Variants in HDAC4 observed in about 807,000 individuals in gnomAD.
HDAC4 encodes the protein histone deacetylase A.
In HDAC4, 16 loss-of-function variants were observed where a neutral mutation model predicts 135.1. The ratio of observed to expected loss-of-function variants is 0.12; its 90% CI spans 0.08 to 0.18. The LOEUF is 0.18. HDAC4 is among the 10% of genes least tolerant of loss of function. HDAC4 has a pLI of 1.00. For synonymous variants in HDAC4, 685 were observed against 653.4 expected (o/e 1.05, Z -0.74); for missense variants, 1,143 against 1,511.8 (o/e 0.76, Z 4.05).
intron 19 of HDAC4, 137 bp from the exon 20 acceptor site, chr2:239,084,379 A>C: frequency 1.4e-6 from 1 of 692,662 alleles, no homozygotes; most frequent in Non-Finnish European, 2.6e-6. Flanking sequence ...AATACGTCGC[A>C]GGGAACCCTC....
Position 239,068,661 on chromosome 2 carries a change from G to A in HDAC4, c.2751-54C>T, listed in dbSNP as rs1401148669. On this transcript the variant is annotated intron_variant, in intron 22 of 26. Coordinates refer to ENST00000543185, the MANE Select transcript of HDAC4 (RefSeq NM_001378414.1). The surrounding 1 kb of genome is among the most constrained non-coding windows in gnomAD (Gnocchi z 4.4). ...GGTCAGCTGAAAGAGGGACGGGACG[G>A]TCACAAAACCCCAAGGTTCCCTCTG... The A allele has an allele frequency of 1.4e-6, 2 of 1,463,762 alleles. No homozygotes were observed. Among genetic ancestry groups the A allele is most frequent in the Admixed American group, 1.7e-5 (1 of 59,804 alleles). The allele number at this position is 1,463,762 out of a possible 1,614,324, so 90.7% of individuals were successfully genotyped here.
intron 2 of HDAC4, among the ~76,000 whole-genome samples, chr2:239,329,114 A>T (rs1361613040): frequency 6.6e-6 from 1 of 152,156 alleles, no homozygotes; most frequent in East Asian, 1.9e-4. Context: ...GGCAGGCGGC[A>T]TGGAAGGTCC....
At chr2:239,327,021 T>A (rs1284680512) in intron 2 of HDAC4, among the ~76,000 whole-genome samples, 1 of 152,198 alleles carries the variant, frequency 6.6e-6, no homozygotes, top group Admixed American at 6.5e-5. Context: ...ACCACATCAC[T>A]CACTGGCGGT....
In HDAC4 at chr2:239,250,931, C is replaced by T. The variant is rs79095605; in HGVS notation, c.23-14267G>A. On this transcript the variant is annotated intron_variant, in intron 2 of 26. Coordinates refer to ENST00000543185, the MANE Select transcript of HDAC4 (RefSeq NM_001378414.1). ...TCTGCAGACCCGGGGAACCTGCCCA[C>T]GTGTGTTCACGTGCCCCCGCCACAC... is the stretch of plus-strand genomic sequence containing the variant. 5.0e-3 allele frequency among the ~76,000 whole-genome samples: 760 copies of T among 152,304 alleles called. 17 individuals are homozygous for T. In the East Asian group the frequency reaches 0.074, roughly 15 times the overall value.
chr2:239,315,461 C>T (rs754092625), intron 2 of HDAC4, among the ~76,000 whole-genome samples: 5 of 152,136 alleles, frequency 3.3e-5, no homozygotes, highest in African/African-American at 9.7e-5. Context: ...GATGCACGAG[C>T]GCTAGAGAAA....
intron 3 of HDAC4, among the ~76,000 whole-genome samples, chr2:239,227,898 C>T (rs1398731023): frequency 6.6e-6 from 1 of 152,228 alleles, no homozygotes. Flanking sequence ...TGCTAGGTCT[C>T]CCAGCTGCTT....
At chr2:239,295,055 C>G (rs2051781650) in intron 2 of HDAC4, among the ~76,000 whole-genome samples, 1 of 152,012 alleles carries the variant, frequency 6.6e-6, no homozygotes, top group Non-Finnish European at 1.5e-5. Context: ...CGCCTGTAAT[C>G]CCAGCACTTT....
intron 6 of HDAC4, among the ~76,000 whole-genome samples, chr2:239,159,284 C>A (rs2042629216): frequency 6.6e-6 from 1 of 150,498 alleles, no homozygotes; most frequent in African/African-American, 2.4e-5. Context: ...ACGCCCACAC[C>A]TCACCTCACT....
At chr2:239,064,591 C>T (rs760308985) in intron 24 of HDAC4, among the ~76,000 whole-genome samples, 2 of 152,214 alleles carry the variant, frequency 1.3e-5, no homozygotes, top group African/African-American at 4.8e-5. Context: ...CTCTCAAGAG[C>T]AGACCCAGGT....
intron 24 of HDAC4, among the ~76,000 whole-genome samples, chr2:239,061,146 GTGGTGT>G (rs1381587420): frequency 1.3e-5 from 2 of 152,024 alleles, no homozygotes; most frequent in Non-Finnish European, 2.9e-5. Flanking sequence ...GTGTGAGTGT[GTGGTGT>G]GTGTAAGCAT....
Position 239,139,728 on chromosome 2 carries a change from C to T in HDAC4, c.934G>A (p.Ala312Thr), listed in dbSNP as rs199946856. ...ACGGCGGGCGCGATACCGTTCTCCG[C>T]GCTGACGCTCCCGGAGCTGTTGTTG... ...SPNNSSGSVS[A>T]ENGIAPAVPS... The change falls in exon 9 of 27, where the codon GCG (alanine) becomes ACG (threonine). Residue 312 changes from alanine (A) to threonine (T), a missense_variant. Physicochemically the swap from Ala to Thr is moderately conservative, Grantham distance 58. Around this residue, in one of 9 missense-constraint regions of HDAC4, gnomAD observed 272 missense variants for 309.7 expected, o/e 0.88. Transcript: ENST00000543185. The surrounding 1 kb of genome is among the most constrained non-coding windows in gnomAD (Gnocchi z 5.3). 587 of 1,614,134 alleles carry T rather than the reference C, an allele frequency of 3.6e-4. 16 individuals are homozygous for T. The South Asian group carries it at 5.8e-3, about 16-fold the overall frequency.
chr2:239,182,186 C>A (rs1383770315), intron 4 of HDAC4, among the ~76,000 whole-genome samples: 1 of 152,208 alleles, frequency 6.6e-6, no homozygotes, highest in Non-Finnish European at 1.5e-5. Context: ...TATAAACATA[C>A]AACCCACAGG....
intron 2 of HDAC4, among the ~76,000 whole-genome samples, chr2:239,286,861 C>T (rs569365522): frequency 2.0e-5 from 3 of 152,184 alleles, no homozygotes; most frequent in Non-Finnish European, 2.9e-5. Flanking sequence ...GTCACTCAGG[C>T]ATGTTGGTGA....
intron 3 of HDAC4, among the ~76,000 whole-genome samples, chr2:239,198,217 C>T (rs1290709742): frequency 1.3e-5 from 2 of 150,952 alleles, no homozygotes. Context: ...CCTCAGGTGC[C>T]TGGTTGCCCC....
At chr2:239,375,596 C>T (rs943009975) in intron 1 of HDAC4, among the ~76,000 whole-genome samples, 6 of 152,380 alleles carry the variant, frequency 3.9e-5, no homozygotes, top group Non-Finnish European at 5.9e-5. Context: ...ACGGACACCA[C>T]GGACGCTACA....
In HDAC4 at chr2:239,176,525, C is replaced by G. The variant is rs1231524910; in HGVS notation, c.378G>C (p.Glu126Asp). ...QEMLAMKHQQELLEHQRKLER... is the reference protein window; with the variant it reads ...QEMLAMKHQQDLLEHQRKLER... ...CCAGCTTCCGCTGGTGTTCCAGCAG[C>G]TCCTGCTGGTGCTTCATGGCCAGCA... Residue 126 changes from glutamate to aspartate, a missense_variant, in exon 5 of 27, where the codon GAG becomes GAC. Coordinates refer to ENST00000543185, the MANE Select transcript of HDAC4 (RefSeq NM_001378414.1). 1 of 1,613,380 alleles carries G rather than the reference C, an allele frequency of 6.2e-7. No homozygotes were observed.
rs905924235 is a variant in HDAC4 at position 239,312,424 on chromosome 2, C to T, written c.22+40254G>A. Reference sequence around the variant, plus strand: ...ATCCATGCTGGCCCAGGAGCCCACACGCAGGGCACGCACGCACGTAGTTCC... The same window carrying T: ...ATCCATGCTGGCCCAGGAGCCCACATGCAGGGCACGCACGCACGTAGTTCC... On this transcript the variant is annotated intron_variant, in intron 2 of 26. Transcript: ENST00000543185. Among the ~76,000 whole-genome samples the T allele has an allele frequency of 3.3e-5, 5 of 152,328 alleles. No individual in the cohort carries two copies. The South Asian group carries it at 6.2e-4, about 19-fold the overall frequency.
intron 2 of HDAC4, among the ~76,000 whole-genome samples, chr2:239,324,784 G>A (rs2125785328): frequency 6.6e-6 from 1 of 152,332 alleles, no homozygotes; most frequent in Middle Eastern, 3.4e-3. Flanking sequence ...GCGTGGGCGA[G>A]GTGCTGCTGT....
chr2:239,108,862 G>A (rs953890658), intron 14 of HDAC4, among the ~76,000 whole-genome samples: 25 of 152,366 alleles, frequency 1.6e-4, no homozygotes, highest in African/African-American at 5.5e-4. Context: ...CCCAGGGTGC[G>A]GCAGCCACAG....
Sources: gnomAD v4.1 joint callset for allele counts (sites outside exome capture counted in the v4.1 genomes callset) on GRCh38, gnomAD v4.1.1 for gene constraint, gnomAD v4.1.1 regional missense constraint, Gnocchi (gnomAD v3.1) non-coding constraint, MANE v1.5 for transcripts, NCBI Gene and HGNC (gene_info 2026-07-23, HGNC 2026-07-21) for gene names.